The following SLC43A1 variants were observed in gnomAD, a reference collection of about 807,000 sequenced individuals.
The protein encoded by SLC43A1 is solute carrier family 43 member 1, also known as large neutral amino acids transporter small subunit 3.
In SLC43A1, 31 loss-of-function variants were observed where a neutral mutation model predicts 59.5. The ratio of observed to expected loss-of-function variants is 0.52; its 90% CI spans 0.39 to 0.70. The LOEUF is 0.70. Ranked by LOEUF, SLC43A1 falls within the 30% of genes least tolerant of loss-of-function variation. The pLI is 0.00. For synonymous variants in SLC43A1, 259 were observed against 290.9 expected (o/e 0.89, Z 1.12); for missense variants, 598 against 717.8 (o/e 0.83, Z 1.91).
chr11:57,487,806 G>A (rs763646815), intron 13 of SLC43A1, among the ~76,000 whole-genome samples: 6 of 152,154 alleles, frequency 3.9e-5, no homozygotes, highest in Non-Finnish European at 2.9e-5. Flanking sequence ...ACCTGAAGAA[G>A]GAGAGAAGGT....
At chr11:57,493,262 T>C (rs1381248539) in intron 8 of SLC43A1, among the ~76,000 whole-genome samples, 1 of 152,186 alleles carries the variant, frequency 6.6e-6, no homozygotes, top group African/African-American at 2.4e-5. Flanking sequence ...CTTAGCCATG[T>C]TGCCCTCTGA....
intron 5 of SLC43A1, among the ~76,000 whole-genome samples, chr11:57,498,522 G>A (rs1008234378): frequency 3.9e-5 from 6 of 152,162 alleles, no homozygotes; most frequent in Admixed American, 2.6e-4. Flanking sequence ...TGAGACCCAG[G>A]GAGGAAAAGT....
Position 57,489,364 on chromosome 11 carries a change from G to T in SLC43A1, c.1222C>A (p.Pro408Thr), listed in dbSNP as rs376419402. 5 of 1,614,214 alleles carry T rather than the reference G, an allele frequency of 3.1e-6. No homozygotes were observed. The highest frequency in any genetic ancestry group is 3.4e-6 in the Non-Finnish European group (4 of 1,180,044). ...RDGVATKSIR[P>T]RYCKIQKLTN... ...AGCTTTTGGATCTTGCAGTAGCGTGGTCTGATGGATTTGGTAGCAACCCCG... is the reference window on the plus strand; with the variant it reads ...AGCTTTTGGATCTTGCAGTAGCGTGTTCTGATGGATTTGGTAGCAACCCCG... Residue 408 changes from proline (P) to threonine (T), a missense_variant, in exon 12 of 15, where the codon CCA becomes ACA. Pro to Thr is a conservative substitution (Grantham distance 38, BLOSUM62 -1). Coordinates refer to ENST00000278426, the MANE Select transcript of SLC43A1 (RefSeq NM_003627.6).
At chr11:57,509,940 A>C (rs1944493612) in intron 2 of SLC43A1, among the ~76,000 whole-genome samples, 1 of 152,182 alleles carries the variant, frequency 6.6e-6, no homozygotes, top group Non-Finnish European at 1.5e-5. Context: ...TTTACAAATC[A>C]TATGTAGGAG....
chr11:57,485,232 C>T lies in SLC43A1; in HGVS notation c.1544G>A (p.Gly515Asp), dbSNP rs750216652. The change falls in exon 15 of 15, where the codon GGC (glycine) becomes GAC (aspartate). Residue 515 changes from glycine to aspartate, a missense_variant. By Grantham distance (94) the Gly-to-Asp change is moderately conservative. Transcript: ENST00000278426. The stretch of plus-strand genomic sequence containing the variant: ...TCCCAGGAGTGAGAATAGCAGGAGG[C>T]CCAGATTCACCTTTAGGGCAAGGAG... ...LKGEPFWVNL[G>D]LLLFSLLGFL... 3 of 1,612,464 alleles carry T rather than the reference C, an allele frequency of 1.9e-6. No individual in the cohort carries two copies. The highest frequency in any genetic ancestry group is 2.5e-6 in the Non-Finnish European group (3 of 1,179,174).
chr11:57,500,851 CAG>C lies in SLC43A1; in HGVS notation c.391_392del (p.Leu131ValfsTer95). 6.2e-7 allele frequency: 1 copy of C among 1,614,184 alleles called. No individual in the cohort carries two copies. The highest frequency in any genetic ancestry group is 1.1e-5 in the South Asian group (1 of 91,082). On this transcript the variant is annotated frameshift_variant and splice_region_variant, in exon 5 of 15. Coordinates refer to ENST00000278426, the MANE Select transcript of SLC43A1 (RefSeq NM_003627.6). LOFTEE classifies it high-confidence loss of function. ...MALASRDVEA[L>X]SPLIFLALSL... ...ACAGCGCCAGGAATATCAACGGAGA[CAG>C]AGCTGGAAAGGGGAAAGCAGCAGAT...
intron 8 of SLC43A1, among the ~76,000 whole-genome samples, chr11:57,492,287 A>T (rs1015987704): frequency 3.5e-5 from 5 of 141,500 alleles, no homozygotes; most frequent in South Asian, 2.2e-4. Context: ...TATATATAAA[A>T]ATATATATAT....
Position 57,489,781 on chromosome 11 carries a change from C to T in SLC43A1, c.1194-389G>A, listed in dbSNP as rs1328912749. ...GAAGGTGGGAAGTGGGAAGCTCTCA[C>T]ACCGTCTCTCATCAGAAGTCCTCAG... On this transcript the variant is annotated intron_variant, in intron 11 of 14. Coordinates refer to ENST00000278426, the MANE Select transcript of SLC43A1 (RefSeq NM_003627.6). Among the ~76,000 whole-genome samples, 6 of 152,240 alleles carry T rather than the reference C, an allele frequency of 3.9e-5. 1 individual carries two copies. The East Asian group carries it at 1.2e-3, about 29-fold the overall frequency.
chr11:57,502,985 C>G (rs1172545881), intron 2 of SLC43A1, among the ~76,000 whole-genome samples: 1 of 152,054 alleles, frequency 6.6e-6, no homozygotes, highest in Admixed American at 6.6e-5. Context: ...AGGACATCTG[C>G]CCTCAGTAGT....
chr11:57,488,442 C>A (rs1943805787), intron 13 of SLC43A1, among the ~76,000 whole-genome samples: 1 of 152,126 alleles, frequency 6.6e-6, no homozygotes. Context: ...CTGCCTGCAC[C>A]AACGGAGCAC....
chr11:57,511,372 G>A lies in SLC43A1; in HGVS notation c.154+2586C>T, dbSNP rs1944540887. On this transcript the variant is annotated intron_variant, in intron 2 of 14. Coordinates refer to ENST00000278426, the MANE Select transcript of SLC43A1 (RefSeq NM_003627.6). ...GAGCCCAGGAGGTTGAAGCTGCAGT[G>A]AACTGTGATTGTGCCTCTGCACTCC... Among the ~76,000 whole-genome samples, 4 of 151,922 alleles carry A rather than the reference G, an allele frequency of 2.6e-5. No homozygotes were observed. In the South Asian group the frequency reaches 8.3e-4, roughly 32 times the overall value.
chr11:57,489,313 G>C lies in SLC43A1; in HGVS notation c.1273C>G (p.Leu425Val), dbSNP rs922348388. The C allele has an allele frequency of 1.1e-5, 18 of 1,614,104 alleles. No individual in the cohort carries two copies. Among genetic ancestry groups the C allele is most frequent in the Non-Finnish European group, 1.4e-5 (17 of 1,180,050 alleles). Residue 425 changes from leucine (L) to valine (V), a missense_variant, in exon 12 of 15, where the codon CTG (leucine) becomes GTG (valine). Leu to Val is a conservative substitution (Grantham distance 32). Coordinates refer to ENST00000278426, the MANE Select transcript of SLC43A1 (RefSeq NM_003627.6). ...AAACCCACAAGCAGCAGGTTGGTCA[G>C]GGTGAAGGCACTGATGGCATTGGTG... ...KLTNAISAFT[L>V]TNLLLVGFGI... is the part of the protein sequence containing the mutation.
At chr11:57,498,427 C>T (rs952645866) in intron 5 of SLC43A1, among the ~76,000 whole-genome samples, 8 of 151,772 alleles carry the variant, frequency 5.3e-5, no homozygotes, top group Non-Finnish European at 1.0e-4. Context: ...GGTGACAGAG[C>T]GAGACTATGT....
chr11:57,513,879 G>T lies in SLC43A1; in HGVS notation c.154+79C>A, dbSNP rs1944612914. On this transcript the variant is annotated intron_variant, in intron 2 of 14. Transcript: ENST00000278426. ...GCTGACCCTGCTTTCTGTCCACCTG[G>T]CCACCTAACCTTTTCTGGCTTCCAC... 64 of 1,148,200 alleles carry T rather than the reference G, an allele frequency of 5.6e-5. 1 individual carries two copies. In the South Asian group the frequency reaches 7.6e-4, roughly 14 times the overall value. The allele number at this position is 1,148,200 out of a possible 1,614,324, so 71.1% of individuals were successfully genotyped here.
At chr11:57,495,545 G>GC (rs1944052378) in intron 7 of SLC43A1, among the ~76,000 whole-genome samples, 1 of 152,084 alleles carries the variant, frequency 6.6e-6, no homozygotes, top group African/African-American at 2.4e-5. Context: ...ACCCATGGGA[G>GC]GCTGGGCACA....
chr11:57,513,350 G>C (rs1944601428), intron 2 of SLC43A1, among the ~76,000 whole-genome samples: 1 of 152,236 alleles, frequency 6.6e-6, no homozygotes, highest in South Asian at 2.1e-4. Context: ...ACCAGCAGTG[G>C]TAACTCCCTG....
intron 11 of SLC43A1, among the ~76,000 whole-genome samples, chr11:57,491,016 C>T (rs891020194): frequency 6.6e-6 from 1 of 152,220 alleles, no homozygotes; most frequent in African/African-American, 2.4e-5. Context: ...GCCAAGTGCA[C>T]AGTCAGCACT....
Position 57,491,586 on chromosome 11 carries a change from C to T in SLC43A1, c.1054+5G>A. 3 of 1,614,126 alleles carry T rather than the reference C, an allele frequency of 1.9e-6. No individual in the cohort carries two copies. Among genetic ancestry groups the T allele is most frequent in the Non-Finnish European group, 2.5e-6 (3 of 1,180,014 alleles). ...TGAGCCAGGGCCCTGCTTTCATAGC[C>T]CTACCTGTCTCTGCCACCTTTTGTT... is the stretch of plus-strand genomic sequence containing the variant. On this transcript the variant is annotated splice_donor_5th_base_variant and intron_variant, in intron 10 of 14. Coordinates refer to ENST00000278426, the MANE Select transcript of SLC43A1 (RefSeq NM_003627.6).
intron 2 of SLC43A1, among the ~76,000 whole-genome samples, chr11:57,509,652 G>GTTA (rs1944481518): frequency 1.1e-5 from 1 of 90,340 alleles, no homozygotes; most frequent in African/African-American, 4.8e-5. Context: ...GAAGGAAGGA[G>GTTA]GGAGGGAGGG....
Sources: allele counts gnomAD v4.1 joint callset (sites outside exome capture counted in the v4.1 genomes callset), GRCh38; gene constraint gnomAD v4.1.1; transcripts MANE v1.5; gene names NCBI Gene and HGNC (gene_info 2026-07-23, HGNC 2026-07-21).